CACNA2D3: variants seen among roughly 807,000 people sequenced by gnomAD.
The protein encoded by CACNA2D3 is calcium voltage-gated channel auxiliary subunit alpha2delta 3, also known as voltage-dependent calcium channel subunit alpha-2/delta-3.
CACNA2D3 carries 60 observed loss-of-function variants against 160.6 expected under a neutral mutation model. That is an observed-to-expected ratio of 0.37 (90% CI 0.30 to 0.46). The LOEUF is 0.46. Ranked by LOEUF, CACNA2D3 falls within the 20% of genes least tolerant of loss-of-function variation. The pLI is 1.00. For missense variants in CACNA2D3, 1,205 were observed against 1,365.0 expected, an observed-to-expected ratio of 0.88 and a Z score of 1.85; for synonymous variants, 558 against 492.9, an observed-to-expected ratio of 1.13 and a Z score of -1.75.
Position 54,729,969 on chromosome 3 carries a change from A to G in CACNA2D3, c.1168-22630A>G, listed in dbSNP as rs537162148. Reference sequence around the variant, plus strand: ...AGCTGAGATCACACCACTGCACTCCAACCTGGACAACAGAGCAAGACTCCA... The same window carrying G: ...AGCTGAGATCACACCACTGCACTCCGACCTGGACAACAGAGCAAGACTCCA... On this transcript the variant is annotated intron_variant, in intron 11 of 37. Coordinates refer to ENST00000474759, the MANE Select transcript of CACNA2D3 (RefSeq NM_018398.3). Among the ~76,000 whole-genome samples, 49 of 147,874 alleles carry G rather than the reference A, an allele frequency of 3.3e-4. No homozygotes were observed. The South Asian group carries it at 9.7e-3, about 29-fold the overall frequency.
intron 5 of CACNA2D3, among the ~76,000 whole-genome samples, chr3:54,517,605 A>T (rs748576991): frequency 1.3e-5 from 2 of 152,128 alleles, no homozygotes; most frequent in Non-Finnish European, 2.9e-5. Context: ...GCGTTCCTTC[A>T]ACTACAATAT....
At chr3:54,917,512 T>A (rs1167068078) in intron 27 of CACNA2D3, among the ~76,000 whole-genome samples, 1 of 152,226 alleles carries the variant, frequency 6.6e-6, no homozygotes, top group Non-Finnish European at 1.5e-5. Flanking sequence ...ATTTCATTAG[T>A]GGGTAAACTG....
intron 2 of CACNA2D3, among the ~76,000 whole-genome samples, chr3:54,135,297 C>T (rs1337319075): frequency 1.3e-5 from 2 of 152,188 alleles, no homozygotes; most frequent in Non-Finnish European, 2.9e-5. Flanking sequence ...ATCCACAGAA[C>T]GTTCCTTGGG....
intron 13 of CACNA2D3, among the ~76,000 whole-genome samples, chr3:54,767,330 C>A (rs1464145405): frequency 1.3e-5 from 2 of 152,156 alleles, no homozygotes; most frequent in Non-Finnish European, 2.9e-5. Context: ...CTTTCACTCT[C>A]TACCCCTCAA....
rs1364926432 is a variant in CACNA2D3, at chr3:54,955,743, G to A, written c.2450-12707G>A. The stretch of plus-strand genomic sequence containing the variant: ...CTGTCTACCGAGGGGGCTTTTTTGG[G>A]TATTGGCCCTGCTGAGAAGGAGTTG... On this transcript the variant is annotated intron_variant, in intron 27 of 37. Coordinates refer to ENST00000474759, the MANE Select transcript of CACNA2D3 (RefSeq NM_018398.3). 2.6e-5 allele frequency among the ~76,000 whole-genome samples: 4 copies of A among 152,094 alleles called. No individual in the cohort carries two copies. The East Asian group carries it at 5.8e-4, about 22-fold the overall frequency.
chr3:54,835,211 C>T (rs895660139), intron 14 of CACNA2D3, among the ~76,000 whole-genome samples: 1 of 152,178 alleles, frequency 6.6e-6, no homozygotes, highest in Non-Finnish European at 1.5e-5. Context: ...CTTATAAAAG[C>T]ATGGCCCCCT....
At chr3:54,924,571 C>A in intron 27 of CACNA2D3, 1 of 1,442,302 alleles carries the variant, frequency 6.9e-7, no homozygotes, top group Non-Finnish European at 9.7e-7. Context: ...GAGATTCATC[C>A]TAGGCTGGTA....
chr3:54,411,219 G>A (rs1699663061), intron 4 of CACNA2D3, among the ~76,000 whole-genome samples: 1 of 152,172 alleles, frequency 6.6e-6, no homozygotes, highest in Admixed American at 6.5e-5. Flanking sequence ...CAACAAGGAG[G>A]GATTTAGAAT....
chr3:54,652,720 C>T (rs2106866721), intron 11 of CACNA2D3, among the ~76,000 whole-genome samples: 1 of 149,480 alleles, frequency 6.7e-6, no homozygotes, highest in East Asian at 2.0e-4. Flanking sequence ...CTTCTCTGGG[C>T]TTCAGTGGGC....
At chr3:54,798,977 AGAGT>A (rs2106665644) in intron 13 of CACNA2D3, among the ~76,000 whole-genome samples, 2 of 152,300 alleles carry the variant, frequency 1.3e-5, no homozygotes, top group South Asian at 4.1e-4. Flanking sequence ...AAAAAATGAT[AGAGT>A]AATTTATTTT....
chr3:54,670,531 T>C (rs1414078157), intron 11 of CACNA2D3, among the ~76,000 whole-genome samples: 1 of 152,100 alleles, frequency 6.6e-6, no homozygotes, highest in Non-Finnish European at 1.5e-5. Flanking sequence ...CAGTGGGAAG[T>C]TGTTTTCTCA....
At chr3:54,710,240 A>T (rs1700930609) in intron 11 of CACNA2D3, among the ~76,000 whole-genome samples, 2 of 152,234 alleles carry the variant, frequency 1.3e-5, no homozygotes, top group Non-Finnish European at 2.9e-5. Flanking sequence ...GGTAAGTATG[A>T]TGAAGGGAAA....
intron 27 of CACNA2D3, among the ~76,000 whole-genome samples, chr3:54,951,397 A>T (rs1050478558): frequency 6.6e-6 from 1 of 152,208 alleles, no homozygotes; most frequent in Non-Finnish European, 1.5e-5. Context: ...TTGTATTTGG[A>T]CATAAAACAG....
chr3:54,502,523 C>T (rs1387423451), intron 4 of CACNA2D3, among the ~76,000 whole-genome samples: 1 of 152,200 alleles, frequency 6.6e-6, no homozygotes, highest in Non-Finnish European at 1.5e-5. Flanking sequence ...TCTGTTCTTA[C>T]ATGTCCGCTT....
At chr3:54,957,616 G>A (rs184307859) in intron 27 of CACNA2D3, among the ~76,000 whole-genome samples, 26 of 152,250 alleles carry the variant, frequency 1.7e-4, no homozygotes, top group Admixed American at 3.3e-4. Flanking sequence ...AGGGAGGGCC[G>A]GTGGGGAAGT....
At chr3:54,153,945 G>A (rs1264689899) in intron 2 of CACNA2D3, among the ~76,000 whole-genome samples, 2 of 152,138 alleles carry the variant, frequency 1.3e-5, no homozygotes, top group Non-Finnish European at 2.9e-5. Context: ...ATTTTGGGTA[G>A]CATTCACTCC....
chr3:54,821,692 CT>C (rs1559594959), intron 14 of CACNA2D3, among the ~76,000 whole-genome samples: 3,373 of 126,404 alleles, frequency 0.027, 89 homozygotes, highest in Non-Finnish European at 0.034. Context: ...TTCTTTCTTT[CT>C]TTCTTTCCTT....
At chr3:54,367,815 G>A (rs1041530253) in intron 3 of CACNA2D3, among the ~76,000 whole-genome samples, 6 of 152,046 alleles carry the variant, frequency 3.9e-5, no homozygotes, top group African/African-American at 1.2e-4. Context: ...TTTAACACTC[G>A]TTTGCTCTTT....
At chr3:54,777,171 C>T (rs1012720252) in intron 13 of CACNA2D3, among the ~76,000 whole-genome samples, 1 of 152,124 alleles carries the variant, frequency 6.6e-6, no homozygotes, top group East Asian at 1.9e-4. Flanking sequence ...CCAAAAGAAT[C>T]GATGTGCCAA....
Sources: allele counts gnomAD v4.1 joint callset (sites outside exome capture counted in the v4.1 genomes callset), GRCh38; gene constraint gnomAD v4.1.1; transcripts MANE v1.5; gene names NCBI Gene and HGNC (gene_info 2026-07-23, HGNC 2026-07-21).